CNTNAP4: variants seen among roughly 807,000 people sequenced by gnomAD.
CNTNAP4 encodes contactin-associated protein-like 4.
Under a neutral mutation model 148.4 loss-of-function variants are expected in CNTNAP4, and 98 were observed. The observed-to-expected ratio is 0.66, with a 90% CI of 0.56 to 0.78. CNTNAP4 has a LOEUF of 0.78. CNTNAP4 is among the 30% of genes least tolerant of loss of function. The pLI is 0.00. For missense variants in CNTNAP4, 1,935 were observed against 1,565.6 expected (o/e 1.24, Z -3.98); for synonymous variants, 730 against 565.1 (o/e 1.29, Z -4.14).
At chr16:76,470,116 A>G (rs981726422) in intron 10 of CNTNAP4, among the ~76,000 whole-genome samples, 1 of 152,128 alleles carries the variant, frequency 6.6e-6, no homozygotes, top group Admixed American at 6.5e-5. Flanking sequence ...TCCTATAAGT[A>G]TGGAAACAGA....
At chr16:76,395,787 G>C in intron 3 of CNTNAP4, among the ~76,000 whole-genome samples, 1 of 151,398 alleles carries the variant, frequency 6.6e-6, no homozygotes, top group East Asian at 1.9e-4. Flanking sequence ...GGAGTGCGGT[G>C]GAGTGATCTC....
chr16:76,300,947 A>G (rs1489096499), intron 1 of CNTNAP4, among the ~76,000 whole-genome samples: 2 of 151,368 alleles, frequency 1.3e-5, no homozygotes, highest in Non-Finnish European at 2.9e-5. Flanking sequence ...TTTTTAAATT[A>G]TTATTATACT....
chr16:76,512,145 G>C (rs1323846909), intron 15 of CNTNAP4, among the ~76,000 whole-genome samples: 1 of 152,150 alleles, frequency 6.6e-6, no homozygotes, highest in Non-Finnish European at 1.5e-5. Flanking sequence ...GGAGCAGAGT[G>C]GGCAAGAAAG....
chr16:76,447,939 T>C, intron 4 of CNTNAP4, 73 bp from the exon 5 acceptor site: 1 of 1,089,544 alleles, frequency 9.2e-7, no homozygotes, highest in Admixed American at 1.9e-5. Flanking sequence ...TTTCTCAATA[T>C]ATAATGCATT....
chr16:76,487,524 A>G (rs1409499925), intron 12 of CNTNAP4, among the ~76,000 whole-genome samples: 1 of 152,248 alleles, frequency 6.6e-6, no homozygotes, highest in Non-Finnish European at 1.5e-5. Context: ...CTGAAAGAAC[A>G]GTAAAGAGGC....
At chr16:76,534,625 G>A (rs1413918381) in intron 17 of CNTNAP4, among the ~76,000 whole-genome samples, 1 of 152,120 alleles carries the variant, frequency 6.6e-6, no homozygotes, top group Non-Finnish European at 1.5e-5. Context: ...ATACAATGAT[G>A]GTCTAGTGAT....
chr16:76,444,933 C>T (rs1362740219), intron 4 of CNTNAP4, among the ~76,000 whole-genome samples: 2 of 152,110 alleles, frequency 1.3e-5, no homozygotes, highest in African/African-American at 2.4e-5. Flanking sequence ...TGATTTCCGT[C>T]TTTCTGTACT....
intron 2 of CNTNAP4, among the ~76,000 whole-genome samples, chr16:76,352,007 G>A (rs2011853649): frequency 6.6e-6 from 1 of 152,122 alleles, no homozygotes. Flanking sequence ...AACTAGAAAG[G>A]GCAAGAAGGA....
chr16:76,521,222 T>A lies in CNTNAP4; in HGVS notation c.2448T>A (p.Asp816Glu). Residue 816 changes from aspartate to glutamate, a missense_variant, in exon 16 of 24, where the codon GAT (aspartate) becomes GAA (glutamate). Coordinates refer to ENST00000611870, the MANE Select transcript of CNTNAP4 (RefSeq NM_033401.5). ...CCTTCCACGGAGAACTTAGCGCGGA[T>A]GTATCTTTCTTTTTTAAGACAACAG... ...FPTFHGELSA[D>E]VSFFFKTTAS... 6.2e-7 allele frequency: 1 copy of A among 1,612,832 alleles called. No individual in the cohort carries two copies. The highest frequency in any genetic ancestry group is 8.5e-7 in the Non-Finnish European group (1 of 1,179,340).
rs142000771 is a variant in CNTNAP4 at position 76,498,149 on chromosome 16, G to A, written c.2238-418G>A. Among the ~76,000 whole-genome samples, 144 of 152,208 alleles carry A rather than the reference G, an allele frequency of 9.5e-4. 1 individual carries two copies. Among genetic ancestry groups the A allele is most frequent in the African/African-American group, 3.2e-3 (133 of 41,524 alleles). On this transcript the variant is annotated intron_variant, in intron 14 of 23. Transcript: ENST00000611870. ...CTCACACCTGTAATCCCCGCACTTC[G>A]GGAGGCTGAGGCAAGTGGATCACTT...
chr16:76,519,454 TTAAG>T (rs1407329793), intron 15 of CNTNAP4, among the ~76,000 whole-genome samples: 4 of 152,198 alleles, frequency 2.6e-5, no homozygotes, highest in South Asian at 4.1e-4. Context: ...ATTTAAACCT[TTAAG>T]TAATTATGAA....
intron 3 of CNTNAP4, among the ~76,000 whole-genome samples, chr16:76,410,616 G>T (rs1292115623): frequency 2.0e-5 from 3 of 151,704 alleles, no homozygotes; most frequent in Admixed American, 2.0e-4. Flanking sequence ...GTTTGTCTTT[G>T]TGAAGAATAG....
chr16:76,348,868 A>AT (rs397795868), intron 2 of CNTNAP4, among the ~76,000 whole-genome samples: 2 of 150,560 alleles, frequency 1.3e-5, no homozygotes, highest in Non-Finnish European at 3.0e-5. Flanking sequence ...AAAAAAAAAA[A>AT]TAGAATGGGG....
chr16:76,277,865 C>T, intron 1 of CNTNAP4, 118 bp downstream of exon 1: 1 of 693,848 alleles, frequency 1.4e-6, no homozygotes, highest in Non-Finnish European at 2.5e-6. Flanking sequence ...TTGCTGTAAA[C>T]CAAGCATCAC....
At chr16:76,289,242 C>A in intron 1 of CNTNAP4, among the ~76,000 whole-genome samples, 1 of 152,070 alleles carries the variant, frequency 6.6e-6, no homozygotes, top group East Asian at 1.9e-4. Flanking sequence ...TAGCACGTGC[C>A]CGATCATCTC....
chr16:76,447,952 A>C (rs967004737), intron 4 of CNTNAP4, 60 bp from the exon 5 acceptor site: 13 of 1,278,008 alleles, frequency 1.0e-5, no homozygotes, highest in Non-Finnish European at 1.5e-5. Flanking sequence ...AATGCATTTA[A>C]AATGATTTAA....
intron 1 of CNTNAP4, among the ~76,000 whole-genome samples, chr16:76,283,334 G>A (rs540988886): frequency 9.9e-5 from 15 of 151,870 alleles, no homozygotes; most frequent in African/African-American, 1.9e-4. Context: ...TTAAGAAATC[G>A]TTCTGTTATA....
chr16:76,328,088 G>A (rs148544058), intron 2 of CNTNAP4, among the ~76,000 whole-genome samples: 97 of 152,204 alleles, frequency 6.4e-4, no homozygotes, highest in African/African-American at 2.3e-3. Context: ...GATTTTCTCC[G>A]TTCAAGGAAG....
At chr16:76,290,194 A>G (rs537369721) in intron 1 of CNTNAP4, among the ~76,000 whole-genome samples, 1 of 152,264 alleles carries the variant, frequency 6.6e-6, no homozygotes, top group East Asian at 1.9e-4. Flanking sequence ...AGGTGCTTCC[A>G]AAGCTACTGA....
Sources: gnomAD v4.1 joint callset for allele counts (sites outside exome capture counted in the v4.1 genomes callset) on GRCh38, gnomAD v4.1.1 for gene constraint, MANE v1.5 for transcripts, NCBI Gene and HGNC (gene_info 2026-07-23, HGNC 2026-07-21) for gene names.